The following FBN1 variants were observed in gnomAD, a reference collection of about 807,000 sequenced individuals.
FBN1 encodes the protein fibrillin 1, also known as fibrillin-1.
Under a neutral mutation model 365.1 loss-of-function variants are expected in FBN1, and 29 were observed. The ratio of observed to expected loss-of-function variants is 0.08; its 90% CI spans 0.06 to 0.11. FBN1 has a LOEUF of 0.11. FBN1 is among the 10% of genes least tolerant of loss of function. The probability of loss-of-function intolerance (pLI) is 1.00; values close to 1 mark genes in which losing one functional copy is unlikely to be tolerated. For missense variants in FBN1, 2,476 were observed against 3,703.2 expected (o/e 0.67, Z 8.60); for synonymous variants, 1,210 against 1,270.5 (o/e 0.95, Z 1.01).
At chr15:48,638,452 A>T (rs555308132) in intron 2 of FBN1, among the ~76,000 whole-genome samples, 1 of 152,280 alleles carries the variant, frequency 6.6e-6, no homozygotes, top group South Asian at 2.1e-4. Context: ...AGATTTTCCA[A>T]CTCTACCACT....
At chr15:48,608,557 C>T (rs2044631166) in intron 4 of FBN1, among the ~76,000 whole-genome samples, 1 of 152,154 alleles carries the variant, frequency 6.6e-6, no homozygotes, top group South Asian at 2.1e-4. Flanking sequence ...GCCATTTAGA[C>T]AATATTAGTG....
chr15:48,444,064 A>T (rs939340391), intron 49 of FBN1, among the ~76,000 whole-genome samples: 2 of 152,146 alleles, frequency 1.3e-5, no homozygotes, highest in African/African-American at 4.8e-5. Context: ...GGAATGTAAT[A>T]CTGTAAAATT....
chr15:48,574,664 A>C (rs1043744177), intron 6 of FBN1, among the ~76,000 whole-genome samples: 1 of 152,228 alleles, frequency 6.6e-6, no homozygotes, highest in Non-Finnish European at 1.5e-5. Context: ...TCACTATAAA[A>C]CCAGCCAATA....
chr15:48,553,072 CCAT>C (rs1355490573), intron 6 of FBN1, among the ~76,000 whole-genome samples: 1 of 152,174 alleles, frequency 6.6e-6, no homozygotes, highest in African/African-American at 2.4e-5. Flanking sequence ...TGCATCATTA[CCAT>C]CATAAGATTA....
At chr15:48,563,012 T>A (rs889399959) in intron 6 of FBN1, among the ~76,000 whole-genome samples, 7 of 152,172 alleles carry the variant, frequency 4.6e-5, no homozygotes, top group African/African-American at 1.7e-4. Flanking sequence ...AGTACTACAG[T>A]CCTTAGCACA....
At chr15:48,639,952 C>G (rs1251177540) in intron 2 of FBN1, among the ~76,000 whole-genome samples, 1 of 152,116 alleles carries the variant, frequency 6.6e-6, no homozygotes, top group East Asian at 1.9e-4. Context: ...GAAGAAAAAG[C>G]CAACAAACTG....
chr15:48,633,441 A>T (rs1288842280), intron 2 of FBN1, among the ~76,000 whole-genome samples: 2 of 152,164 alleles, frequency 1.3e-5, no homozygotes, highest in Non-Finnish European at 2.9e-5. Context: ...TGCCAATTAG[A>T]AGTGTGAGTA....
At position 48,629,165 on chromosome 15, in the gene FBN1, G is replaced by A. The variant is rs558564481; in HGVS notation, c.164+15441C>T. Among the ~76,000 whole-genome samples the A allele has an allele frequency of 2.0e-5, 3 of 152,268 alleles. 1 individual carries two copies. Among genetic ancestry groups the A allele is most frequent in the African/African-American group, 7.2e-5 (3 of 41,548 alleles). On this transcript the variant is annotated intron_variant, in intron 2 of 65. Transcript: ENST00000316623. The stretch of plus-strand genomic sequence containing the variant: ...AAACCATCTCACTGCTTCCTTCATC[G>A]AGAAAGTCTCCCTAGAAATAAAATA...
At chr15:48,484,290 T>C (rs1468207822) in intron 30 of FBN1, among the ~76,000 whole-genome samples, 3 of 152,216 alleles carry the variant, frequency 2.0e-5, no homozygotes, top group African/African-American at 7.2e-5. Context: ...TTCTATCAAC[T>C]GTTTTAGCAA....
chr15:48,600,059 T>C, intron 5 of FBN1, 80 bp downstream of exon 5: 1 of 1,036,452 alleles, frequency 9.6e-7, no homozygotes, highest in Non-Finnish European at 1.5e-6. Context: ...TCGAAGAAAA[T>C]CCATCAGCAC....
intron 29 of FBN1, among the ~76,000 whole-genome samples, chr15:48,486,835 T>C (rs2043511082): frequency 6.6e-6 from 1 of 152,184 alleles, no homozygotes; most frequent in African/African-American, 2.4e-5. Flanking sequence ...TCCTATGTCC[T>C]TCACTTAACT....
intron 50 of FBN1, among the ~76,000 whole-genome samples, chr15:48,440,063 T>C (rs2043100912): frequency 6.6e-6 from 1 of 152,216 alleles, no homozygotes; most frequent in South Asian, 2.1e-4. Context: ...GGAGACTTAC[T>C]TTAGCTTGTG....
intron 40 of FBN1, among the ~76,000 whole-genome samples, chr15:48,464,679 C>T (rs183791130): frequency 2.0e-5 from 3 of 152,204 alleles, no homozygotes; most frequent in Non-Finnish European, 4.4e-5. Flanking sequence ...TCAAATATCC[C>T]TTAGGAAGAC....
intron 2 of FBN1, among the ~76,000 whole-genome samples, chr15:48,613,391 AC>A (rs1351571210): frequency 1.3e-5 from 2 of 152,196 alleles, no homozygotes; most frequent in Non-Finnish European, 2.9e-5. Context: ...CTTAAATTAG[AC>A]AATAAACTTA....
chr15:48,644,934 C>T lies in FBN1; in HGVS notation c.-165G>A. The stretch of plus-strand genomic sequence containing the variant: ...CCTTCTCCAGGCGCTGCTCCCACTT[C>T]AGGCGGCCCCTGCCAGCTGCAACAC... On this transcript the variant is annotated 5_prime_UTR_variant, in exon 2 of 66. Transcript: ENST00000316623. 1 of 550,048 alleles carries T rather than the reference C, an allele frequency of 1.8e-6. No individual in the cohort carries two copies. The highest frequency in any genetic ancestry group is 2.7e-6 in the Non-Finnish European group (1 of 370,910). The allele number at this position is 550,048 out of a possible 1,614,324, so 34.1% of individuals were successfully genotyped here.
intron 6 of FBN1, among the ~76,000 whole-genome samples, chr15:48,542,837 T>C (rs928307013): frequency 4.5e-5 from 6 of 132,368 alleles, no homozygotes; most frequent in African/African-American, 9.4e-5. Context: ...GTGTATTTTT[T>C]TTCCTTCTTT....
intron 6 of FBN1, among the ~76,000 whole-genome samples, chr15:48,572,307 G>C (rs1343096601): frequency 6.7e-6 from 1 of 150,342 alleles, no homozygotes; most frequent in Non-Finnish European, 1.5e-5. Context: ...TAATAAATAA[G>C]TAATGTGCTT....
intron 15 of FBN1, among the ~76,000 whole-genome samples, chr15:48,507,935 C>T (rs1451563318): frequency 6.6e-6 from 1 of 152,132 alleles, no homozygotes; most frequent in African/African-American, 2.4e-5. Flanking sequence ...CAATTCTCAA[C>T]AGCAAAAATA....
rs756381478 is a variant in FBN1, at chr15:48,496,203, G to C, written c.2316C>G (p.Asn772Lys). The change falls in exon 20 of 66, where the codon AAC becomes AAG. Residue 772 changes from asparagine to lysine, a missense_variant. Around this residue, in one of 5 missense-constraint regions of FBN1, gnomAD observed 1,780 missense variants for 2,840.8 expected, o/e 0.63. Transcript: ENST00000316623. ...ATTGTCCATTGTCACAAAGGAGACT[G>C]TTCAGTACACATTCATTAATATCTG... ...NCVDINECVL[N>K]SLLCDNGQCR... 1.2e-6 allele frequency: 2 copies of C among 1,613,614 alleles called. No individual in the cohort carries two copies. Among genetic ancestry groups the C allele is most frequent in the East Asian group, 2.2e-5 (1 of 44,812 alleles).
Sources: allele counts gnomAD v4.1 joint callset (sites outside exome capture counted in the v4.1 genomes callset), GRCh38; gene constraint gnomAD v4.1.1; regional missense constraint gnomAD v4.1.1; transcripts MANE v1.5; gene names NCBI Gene and HGNC (gene_info 2026-07-23, HGNC 2026-07-21).